Variants in MGA observed in about 807,000 individuals in gnomAD.
MGA encodes MAX gene-associated protein.
Under a neutral mutation model 261.1 loss-of-function variants are expected in MGA, and 40 were observed. That is an observed-to-expected ratio of 0.15 (90% CI 0.12 to 0.20). MGA has a LOEUF of 0.20. MGA is among the 10% of genes least tolerant of loss of function. MGA has a pLI of 1.00. For missense variants in MGA, 3,397 were observed against 3,630.5 expected (o/e 0.94, Z 1.65); for synonymous variants, 1,302 against 1,290.6 (o/e 1.01, Z -0.19).
At position 41,766,791 on chromosome 15, in the gene MGA, C is replaced by G. The variant is rs2063820831; in HGVS notation, c.8709C>G (p.His2903Gln). 6.2e-7 allele frequency: 1 copy of G among 1,613,896 alleles called. No homozygotes were observed. Among genetic ancestry groups the G allele is most frequent in the Non-Finnish European group, 8.5e-7 (1 of 1,179,898 alleles). Residue 2903 changes from histidine to glutamine, a missense_variant, in exon 24 of 24, where the codon CAC becomes CAG. By Grantham distance (24) the His-to-Gln change is conservative (BLOSUM62 0). This residue lies in a region of MGA where 647 missense variants were observed against 642.4 expected (regional missense o/e 1.01). Coordinates refer to ENST00000219905, the MANE Select transcript of MGA (RefSeq NM_001164273.2). Reference sequence around the variant, plus strand: ...ACTCTATCAGTCCCCTCCTCTTGCACTTGGAAGACGATGACTTTTCTGAGA... The same window carrying G: ...ACTCTATCAGTCCCCTCCTCTTGCAGTTGGAAGACGATGACTTTTCTGAGA...
chr15:41,669,836 T>C lies in MGA; in HGVS notation c.942T>C (p.His314=). 1 of 1,613,970 alleles carries C rather than the reference T, an allele frequency of 6.2e-7. No homozygotes were observed. Among genetic ancestry groups the C allele is most frequent in the Non-Finnish European group, 8.5e-7 (1 of 1,179,878 alleles). ...ATTTGGATCCTTTGTCAAGGGGTCA[T>C]GAAACATCAGGCAAGGGTTTGGAGA... is the stretch of plus-strand genomic sequence containing the variant. Residue 314 remains histidine (H), a synonymous_variant, in exon 2 of 24, where the codon CAT becomes CAC. Coordinates refer to ENST00000219905, the MANE Select transcript of MGA (RefSeq NM_001164273.2).
At chr15:41,641,688 C>T (rs2056823591) in intron 1 of MGA, among the ~76,000 whole-genome samples, 1 of 151,508 alleles carries the variant, frequency 6.6e-6, no homozygotes, top group Non-Finnish European at 1.5e-5. Flanking sequence ...CGTGGTTTCA[C>T]CATATTGGCC....
chr15:41,757,133 C>T (rs933494320), intron 18 of MGA, among the ~76,000 whole-genome samples: 2 of 152,134 alleles, frequency 1.3e-5, no homozygotes, highest in African/African-American at 4.8e-5. Flanking sequence ...ATTTCTCAAG[C>T]TAGATGGTTC....
intron 2 of MGA, among the ~76,000 whole-genome samples, chr15:41,680,760 C>T (rs2058626389): frequency 6.6e-6 from 1 of 152,174 alleles, no homozygotes; most frequent in Non-Finnish European, 1.5e-5. Flanking sequence ...TCTGGGACAT[C>T]AGTGTGTTCA....
intron 2 of MGA, among the ~76,000 whole-genome samples, chr15:41,694,744 C>T (rs1221386861): frequency 6.6e-6 from 1 of 152,066 alleles, no homozygotes; most frequent in Non-Finnish European, 1.5e-5. Flanking sequence ...GATCTCCTGA[C>T]CTCGTGATCC....
chr15:41,716,216 GGC>G (rs2060626223), intron 9 of MGA, among the ~76,000 whole-genome samples: 2 of 151,958 alleles, frequency 1.3e-5, no homozygotes, highest in African/African-American at 4.8e-5. Flanking sequence ...GGACGGCTGA[GGC>G]GGGCAGATCA....
Position 41,769,212 on chromosome 15 carries a change from C to G in MGA, c.*1932C>G, listed in dbSNP as rs1454620707. The G allele has an allele frequency of 6.6e-6, 1 of 152,180 alleles. No individual in the cohort carries two copies. The highest frequency in any genetic ancestry group is 1.5e-5 in the Non-Finnish European group (1 of 68,022). The allele number at this position is 152,180 out of a possible 1,614,324, so 9.4% of individuals were successfully genotyped here. ...TTTCCTCCTGATTTCCCAAGACTCT[C>G]TTTGTGGCTTTTGAGGGTCAGCCAA... On this transcript the variant is annotated 3_prime_UTR_variant, in exon 24 of 24. Coordinates refer to ENST00000219905, the MANE Select transcript of MGA (RefSeq NM_001164273.2).
chr15:41,729,574 C>T (rs1271656369), intron 11 of MGA, among the ~76,000 whole-genome samples: 1 of 152,040 alleles, frequency 6.6e-6, no homozygotes, highest in Non-Finnish European at 1.5e-5. Flanking sequence ...CTAATCCCAG[C>T]ACTTTGGGAC....
chr15:41,671,308 G>T (rs2058045908), intron 2 of MGA, among the ~76,000 whole-genome samples: 2 of 152,046 alleles, frequency 1.3e-5, no homozygotes. Flanking sequence ...CTTTTTGTTT[G>T]AACTTGCCTT....
At chr15:41,689,670 A>G (rs750562094) in intron 2 of MGA, among the ~76,000 whole-genome samples, 26 of 149,254 alleles carry the variant, frequency 1.7e-4, no homozygotes, top group Non-Finnish European at 3.3e-4. Flanking sequence ...GGTTCAGGTG[A>G]TTTTCCTGCT....
rs1275294233 is a variant in MGA, at chr15:41,769,829, C to T, written c.*2549C>T. On this transcript the variant is annotated 3_prime_UTR_variant, in exon 24 of 24. Coordinates refer to ENST00000219905, the MANE Select transcript of MGA (RefSeq NM_001164273.2). ...TATATATTAAATATATATATCTTTC[C>T]TTTTCTGCTTTCGAAAAGTGACTAT... 1.3e-5 allele frequency: 2 copies of T among 152,420 alleles called. No homozygotes were observed. Among genetic ancestry groups the T allele is most frequent in the African/African-American group, 4.8e-5 (2 of 41,390 alleles). 9.4% of individuals were successfully genotyped at this position (152,420 alleles called of 1,614,324 possible).
chr15:41,674,974 T>C (rs1284408061), intron 2 of MGA, among the ~76,000 whole-genome samples: 2 of 152,246 alleles, frequency 1.3e-5, no homozygotes, highest in Non-Finnish European at 2.9e-5. Context: ...TTAGCTATGA[T>C]AGTCATTCAA....
intron 2 of MGA, among the ~76,000 whole-genome samples, chr15:41,674,204 A>G (rs570352657): frequency 1.3e-5 from 2 of 150,734 alleles, no homozygotes; most frequent in Non-Finnish European, 2.9e-5. Flanking sequence ...ATTATTTTTT[A>G]TTTTTATTTT....
intron 2 of MGA, among the ~76,000 whole-genome samples, chr15:41,670,835 T>C (rs145767842): frequency 1.4e-3 from 220 of 152,306 alleles, no homozygotes; most frequent in African/African-American, 5.0e-3. Flanking sequence ...CAAGTAATAA[T>C]TTTAAGCTTC....
intron 19 of MGA, among the ~76,000 whole-genome samples, chr15:41,759,557 G>A (rs528332074): frequency 2.0e-5 from 3 of 148,966 alleles, no homozygotes; most frequent in East Asian, 2.0e-4. Flanking sequence ...CTACCTTGGC[G>A]TCCAAAAGTG....
intron 22 of MGA, 99 bp downstream of exon 22, chr15:41,762,461 GTTTTTTTTTTTTTTTT>G (rs34069193): frequency 5.9e-4 from 82 of 138,444 alleles, no homozygotes; most frequent in East Asian, 4.4e-3. Context: ...GTTTTGTGTG[GTTTTTTTTTTTTTTTT>G]TTTTTTTTTT....
intron 2 of MGA, chr15:41,691,740 A>C (rs2059298316): frequency 2.9e-6 from 1 of 347,388 alleles, no homozygotes. Flanking sequence ...GGTAAAGTAT[A>C]TTGTCTTCTG....
chr15:41,731,001 G>A (rs1025473635), intron 11 of MGA, among the ~76,000 whole-genome samples: 3 of 152,092 alleles, frequency 2.0e-5, no homozygotes, highest in Admixed American at 1.3e-4. Flanking sequence ...TAAGTGAAGA[G>A]CAAAAAACAA....
intron 1 of MGA, among the ~76,000 whole-genome samples, chr15:41,627,017 G>A (rs559954845): frequency 6.6e-6 from 1 of 151,922 alleles, no homozygotes; most frequent in South Asian, 2.1e-4. Flanking sequence ...GGTGATTCTC[G>A]TGTCTCAGCC....
Sources: allele counts gnomAD v4.1 joint callset (sites outside exome capture counted in the v4.1 genomes callset), GRCh38; gene constraint gnomAD v4.1.1; regional missense constraint gnomAD v4.1.1; transcripts MANE v1.5; gene names NCBI Gene and HGNC (gene_info 2026-07-23, HGNC 2026-07-21).